The following SNX24 variants were observed in gnomAD, a reference collection of about 807,000 sequenced individuals.
SNX24 encodes sorting nexin 24.
In SNX24, 22 loss-of-function variants were observed where a neutral mutation model predicts 28.7. That is an observed-to-expected ratio of 0.77 (90% CI 0.55 to 1.10). The LOEUF (loss-of-function observed/expected upper bound fraction) is 1.10, where lower values mean the gene tolerates loss of function less well. Ranked by LOEUF, SNX24 falls within the 50% of genes least tolerant of loss-of-function variation. The pLI is 0.00. For synonymous variants in SNX24, 69 were observed against 71.5 expected (o/e 0.96, Z 0.18); for missense variants, 221 against 201.1 (o/e 1.10, Z -0.60).
intron 5 of SNX24, 92 bp downstream of exon 5, chr5:123,001,529 A>T: frequency 1.1e-6 from 1 of 943,970 alleles, no homozygotes; most frequent in Non-Finnish European, 1.6e-6. Context: ...GTTTTTCTTA[A>T]GAACCTTTGT....
chr5:122,968,203 G>A (rs942421221), intron 3 of SNX24, among the ~76,000 whole-genome samples: 1 of 152,086 alleles, frequency 6.6e-6, no homozygotes, highest in Non-Finnish European at 1.5e-5. Context: ...AAGTTAGCCG[G>A]GCGTGGTGGC....
chr5:122,857,781 G>A (rs1318668613), intron 1 of SNX24, among the ~76,000 whole-genome samples: 2 of 151,938 alleles, frequency 1.3e-5, no homozygotes, highest in Non-Finnish European at 2.9e-5. Flanking sequence ...TGATGTATAT[G>A]TACCACCTTT....
intron 1 of SNX24, among the ~76,000 whole-genome samples, chr5:122,864,566 G>T (rs1422375057): frequency 2.0e-5 from 3 of 152,186 alleles, no homozygotes; most frequent in Non-Finnish European, 4.4e-5. Flanking sequence ...TAGTGGGTGG[G>T]GAGACGTCAG....
chr5:122,879,100 A>G (rs1756362677), intron 1 of SNX24, among the ~76,000 whole-genome samples: 1 of 152,248 alleles, frequency 6.6e-6, no homozygotes, highest in South Asian at 2.1e-4. Context: ...CAATAAATCC[A>G]AAGTATTATT....
intron 1 of SNX24, among the ~76,000 whole-genome samples, chr5:122,897,836 T>G (rs903826480): frequency 4.6e-5 from 7 of 152,320 alleles, no homozygotes; most frequent in African/African-American, 1.7e-4. Context: ...ACTTAATTGT[T>G]TAAATGTCTG....
intron 1 of SNX24, among the ~76,000 whole-genome samples, chr5:122,904,467 G>A (rs1757564718): frequency 6.6e-6 from 1 of 152,186 alleles, no homozygotes; most frequent in Non-Finnish European, 1.5e-5. Context: ...ACAGGTGTGA[G>A]CCACCACTCC....
intron 1 of SNX24, among the ~76,000 whole-genome samples, chr5:122,931,775 A>G (rs111974557): frequency 5.9e-5 from 9 of 152,090 alleles, no homozygotes; most frequent in Admixed American, 2.6e-4. Context: ...TGTATTTGGC[A>G]AGCACTTGAA....
chr5:122,903,015 A>G (rs546712310), intron 1 of SNX24, among the ~76,000 whole-genome samples: 45 of 152,298 alleles, frequency 3.0e-4, no homozygotes, highest in Middle Eastern at 3.4e-3. Flanking sequence ...CTGTATACAG[A>G]GAACTCAGTA....
At chr5:123,027,852 T>A (rs4516847) in intron 5 of SNX24, among the ~76,000 whole-genome samples, 47,496 of 152,040 alleles carry the variant, frequency 0.31, 8,611 homozygotes, top group East Asian at 0.83. Flanking sequence ...ATGGTGTATG[T>A]TCAAGAAAAG....
At chr5:122,985,147 C>T (rs1385891433) in intron 3 of SNX24, among the ~76,000 whole-genome samples, 2 of 152,150 alleles carry the variant, frequency 1.3e-5, no homozygotes, top group African/African-American at 2.4e-5. Context: ...ATAACCATAT[C>T]ATCTCATGTC....
At chr5:122,923,494 C>G (rs1184857208) in intron 1 of SNX24, among the ~76,000 whole-genome samples, 1 of 152,094 alleles carries the variant, frequency 6.6e-6, no homozygotes, top group Non-Finnish European at 1.5e-5. Context: ...GTTCATAGAA[C>G]AGAAAAAGTT....
chr5:122,931,234 G>A (rs1009874289), intron 1 of SNX24, among the ~76,000 whole-genome samples: 3 of 152,092 alleles, frequency 2.0e-5, no homozygotes, highest in Non-Finnish European at 4.4e-5. Context: ...TAAAATAGAG[G>A]AAACGTGACT....
intron 3 of SNX24, among the ~76,000 whole-genome samples, chr5:122,986,111 A>G (rs1351831437): frequency 7.2e-5 from 11 of 152,202 alleles, no homozygotes; most frequent in East Asian, 5.8e-4. Flanking sequence ...GGATGTGGCT[A>G]TCATTGGCAG....
chr5:122,990,098 C>A (rs1034763628), intron 3 of SNX24, among the ~76,000 whole-genome samples: 1 of 152,174 alleles, frequency 6.6e-6, no homozygotes, highest in Non-Finnish European at 1.5e-5. Context: ...TATTTTATAG[C>A]CTATGAGCCA....
At chr5:122,970,593 C>G (rs1036065945) in intron 3 of SNX24, among the ~76,000 whole-genome samples, 1 of 152,156 alleles carries the variant, frequency 6.6e-6, no homozygotes, top group Non-Finnish European at 1.5e-5. Context: ...CTCAGCCTCC[C>G]GAGTAGCTGG....
chr5:122,913,545 C>T (rs187246222), intron 1 of SNX24, among the ~76,000 whole-genome samples: 4,252 of 151,044 alleles, frequency 0.028, 181 homozygotes, highest in African/African-American at 0.085. Flanking sequence ...ACTTCTCAGA[C>T]AGGGCGGCTG....
chr5:123,007,659 C>CTTTTTTTT, intron 6 of SNX24, 23 bp from the exon 7 acceptor site: 3 of 1,153,136 alleles, frequency 2.6e-6, no homozygotes, highest in South Asian at 1.6e-5. Flanking sequence ...TTTTTTTTTT[C>CTTTTTTTT]TTTTTTTTTT....
chr5:122,956,106 G>C (rs1760196922), intron 3 of SNX24, among the ~76,000 whole-genome samples: 1 of 151,498 alleles, frequency 6.6e-6, no homozygotes, highest in South Asian at 2.1e-4. Context: ...CACCTTTTCA[G>C]CTCCAAGTCT....
At chr5:123,017,356 T>C (rs1248811773) in intron 5 of SNX24, among the ~76,000 whole-genome samples, 1 of 152,114 alleles carries the variant, frequency 6.6e-6, no homozygotes, top group South Asian at 2.1e-4. Context: ...TCTTGCCATC[T>C]GCCACTCACC....
Sources: gnomAD v4.1 joint callset for allele counts (sites outside exome capture counted in the v4.1 genomes callset) on GRCh38, gnomAD v4.1.1 for gene constraint, MANE v1.5 for transcripts, NCBI Gene and HGNC (gene_info 2026-07-23, HGNC 2026-07-21) for gene names.